The following EYA3 variants were observed in gnomAD, a reference collection of about 807,000 sequenced individuals.
EYA3 encodes the protein EYA transcriptional coactivator and phosphatase 3, also known as protein phosphatase EYA3.
In EYA3, 39 loss-of-function variants were observed where a neutral mutation model predicts 80.0. The ratio of observed to expected loss-of-function variants is 0.49; its 90% confidence interval spans 0.38 to 0.64. The LOEUF (loss-of-function observed/expected upper bound fraction) is 0.64. Among genes scored for constraint, EYA3 ranks in the 30% least tolerant of loss-of-function variants. EYA3 has a pLI of 0.00. For synonymous variants in EYA3, 206 were observed against 232.8 expected, an observed-to-expected ratio of 0.88 and a Z score of 1.05; for missense variants, 523 against 676.1, an observed-to-expected ratio of 0.77 and a Z score of 2.51.
chr1:28,047,015 G>A (rs1456300939), intron 3 of EYA3, among the ~76,000 whole-genome samples: 1 of 151,354 alleles, frequency 6.6e-6, no homozygotes, highest in Non-Finnish European at 1.5e-5. Flanking sequence ...CTGGATAATT[G>A]TTTTTGTGTT....
intron 14 of EYA3, among the ~76,000 whole-genome samples, chr1:27,991,489 A>C (rs115889924): frequency 1.3e-3 from 199 of 152,312 alleles, no homozygotes; most frequent in African/African-American, 4.6e-3. Context: ...TAAAATATTC[A>C]AGCAGTAAAT....
chr1:28,069,846 G>A (rs1000924757), intron 1 of EYA3, among the ~76,000 whole-genome samples: 4 of 152,102 alleles, frequency 2.6e-5, no homozygotes, highest in African/African-American at 7.2e-5. Flanking sequence ...GGCCCTAAAC[G>A]CCATCACAAA....
chr1:28,069,548 T>TAA (rs11323301), intron 1 of EYA3, among the ~76,000 whole-genome samples: 9 of 111,574 alleles, frequency 8.1e-5, no homozygotes, highest in Non-Finnish European at 1.3e-4. Context: ...CCAATCTATT[T>TAA]AAAAAAAAAA....
intron 1 of EYA3, among the ~76,000 whole-genome samples, chr1:28,082,754 A>G (rs1427772558): frequency 6.6e-6 from 1 of 152,162 alleles, no homozygotes; most frequent in East Asian, 1.9e-4. Flanking sequence ...TTTGTTTAAT[A>G]CTCTGAAGGT....
intron 12 of EYA3, among the ~76,000 whole-genome samples, chr1:27,999,264 C>G (rs950718431): frequency 1.3e-5 from 2 of 152,194 alleles, no homozygotes; most frequent in Non-Finnish European, 2.9e-5. Context: ...GACTGCATAA[C>G]TGAGGCCCAG....
In EYA3 at chr1:28,013,833, T is replaced by C. The variant is rs1281122004; in HGVS notation, c.586-539A>G. On this transcript the variant is annotated intron_variant, in intron 8 of 17. Transcript: ENST00000373871. The surrounding 1 kb of genome is among the most constrained non-coding windows in gnomAD (Gnocchi z 4.0). ...ATCTCAGCACTTTGGAAGGCCAAGA[T>C]GGGTGGATCACTTGAGGTCAGGAGT... Among the ~76,000 whole-genome samples the C allele has an allele frequency of 1.3e-5, 2 of 152,190 alleles. No individual in the cohort carries two copies. Among genetic ancestry groups the C allele is most frequent in the African/African-American group, 4.8e-5 (2 of 41,466 alleles).
At chr1:28,017,776 T>C (rs563578650) in intron 7 of EYA3, among the ~76,000 whole-genome samples, 1 of 152,272 alleles carries the variant, frequency 6.6e-6, no homozygotes, top group African/African-American at 2.4e-5. Context: ...AGATTACTAA[T>C]GTGGATCAAT....
At chr1:28,088,500 A>C (rs552101251) in intron 1 of EYA3, 24 bp downstream of exon 1, 1 of 153,450 alleles carries the variant, frequency 6.5e-6, no homozygotes, top group South Asian at 2.1e-4. Flanking sequence ...CTGCGCTCAG[A>C]CCCTGTTGGC....
chr1:28,069,876 C>G (rs894768484), intron 1 of EYA3, among the ~76,000 whole-genome samples: 5 of 152,142 alleles, frequency 3.3e-5, no homozygotes, highest in Non-Finnish European at 7.4e-5. Context: ...AAGAGAAAAG[C>G]AGACATTTAA....
chr1:28,002,210 C>T (rs536167058), intron 11 of EYA3, among the ~76,000 whole-genome samples: 7 of 151,960 alleles, frequency 4.6e-5, no homozygotes, highest in South Asian at 2.1e-4. Flanking sequence ...CCACCGCACC[C>T]GGCAATTTTT....
intron 1 of EYA3, among the ~76,000 whole-genome samples, chr1:28,072,716 C>A (rs939306478): frequency 1.3e-5 from 2 of 152,214 alleles, no homozygotes; most frequent in African/African-American, 2.4e-5. Context: ...ATCCTTCAAT[C>A]CCATTCCGAG....
At chr1:28,038,439 TAAAAAA>T (rs74525723) in intron 5 of EYA3, among the ~76,000 whole-genome samples, 910 of 68,526 alleles carry the variant, frequency 0.013, 15 homozygotes, top group Middle Eastern at 0.068. Flanking sequence ...GATTCTATCT[TAAAAAA>T]AAAAAAAAAA....
At chr1:27,999,873 A>G (rs978220352) in intron 12 of EYA3, 87 bp downstream of exon 12, 5 of 986,812 alleles carry the variant, frequency 5.1e-6, no homozygotes, top group South Asian at 1.8e-5. Flanking sequence ...ATCTAAACAC[A>G]TATCTTCTAA....
chr1:27,998,382 T>A (rs1640599360), intron 12 of EYA3: 2 of 889,834 alleles, frequency 2.2e-6, no homozygotes, highest in Non-Finnish European at 2.7e-6. Flanking sequence ...CAATTGGCAA[T>A]AATTATTGGC....
chr1:28,050,802 TA>T (rs1644219476), intron 2 of EYA3, among the ~76,000 whole-genome samples: 1 of 152,108 alleles, frequency 6.6e-6, no homozygotes, highest in South Asian at 2.1e-4. Context: ...GCAGGTAAAT[TA>T]ACTAAAGAAG....
intron 9 of EYA3, 35 bp from the exon 10 acceptor site, chr1:28,011,121 G>A: frequency 6.2e-7 from 1 of 1,601,224 alleles, no homozygotes. Flanking sequence ...GTTGTCAGGA[G>A]TCACAGGCTA....
intron 14 of EYA3, among the ~76,000 whole-genome samples, chr1:27,990,850 AT>A (rs113205149): frequency 4.4e-3 from 608 of 139,704 alleles, no homozygotes; most frequent in African/African-American, 7.2e-3. Context: ...CGTGCCTGGC[AT>A]TTTTTTTTTT....
At chr1:27,998,750 G>C (rs1393671637) in intron 12 of EYA3, among the ~76,000 whole-genome samples, 1 of 151,130 alleles carries the variant, frequency 6.6e-6, no homozygotes, top group African/African-American at 2.4e-5. Context: ...TGATTACTTT[G>C]TGTTTATAAA....
At chr1:28,033,663 A>ATTT (rs1306134072) in intron 6 of EYA3, among the ~76,000 whole-genome samples, 2 of 133,016 alleles carry the variant, frequency 1.5e-5, no homozygotes, top group East Asian at 2.2e-4. Context: ...TATTATTATT[A>ATTT]TTATTATTTT....
Sources: allele counts gnomAD v4.1 joint callset (sites outside exome capture counted in the v4.1 genomes callset), GRCh38; gene constraint gnomAD v4.1.1; non-coding constraint Gnocchi (gnomAD v3.1); transcripts MANE v1.5; gene names NCBI Gene and HGNC (gene_info 2026-07-23, HGNC 2026-07-21).